Variants in MRPS28 observed in about 807,000 individuals in gnomAD.
The protein encoded by MRPS28 is mitochondrial ribosomal protein S28.
In MRPS28, 7 loss-of-function variants were observed where a neutral mutation model predicts 10.8. That is an observed-to-expected ratio of 0.65 (90% CI 0.37 to 1.22). MRPS28 has a LOEUF of 1.22. Among genes scored for constraint, MRPS28 ranks in the 50% most tolerant of loss-of-function variants. The pLI is 0.02. For missense variants in MRPS28, 265 were observed against 232.9 expected (o/e 1.14, Z -0.90); for synonymous variants, 121 against 93.3 (o/e 1.30, Z -1.71).
intron 1 of MRPS28, among the ~76,000 whole-genome samples, chr8:80,009,609 T>C (rs1327348538): frequency 1.3e-5 from 2 of 150,626 alleles, no homozygotes; most frequent in Non-Finnish European, 3.0e-5. Flanking sequence ...AGAGCCAAAC[T>C]GTCTCAAAAA....
chr8:80,007,971 C>A (rs1182703740), intron 1 of MRPS28, among the ~76,000 whole-genome samples: 1 of 152,188 alleles, frequency 6.6e-6, no homozygotes, highest in Non-Finnish European at 1.5e-5. Context: ...CCAAGTCAAT[C>A]CTAAGCCAAA....
intron 2 of MRPS28, among the ~76,000 whole-genome samples, chr8:79,959,878 T>C (rs536402540): frequency 1.1e-4 from 17 of 152,278 alleles, no homozygotes; most frequent in Middle Eastern, 6.8e-3. Flanking sequence ...ATTAATTTTA[T>C]CAAGAAAGCA....
At chr8:79,944,636 T>A (rs145072976) in intron 2 of MRPS28, among the ~76,000 whole-genome samples, 1 of 152,006 alleles carries the variant, frequency 6.6e-6, no homozygotes, top group South Asian at 2.1e-4. Context: ...GTGGTAGTAG[T>A]AAGATATGCA....
At chr8:79,920,826 C>A (rs1810073856) in intron 2 of MRPS28, among the ~76,000 whole-genome samples, 1 of 152,112 alleles carries the variant, frequency 6.6e-6, no homozygotes, top group Non-Finnish European at 1.5e-5. Flanking sequence ...GCTTTTGTTG[C>A]CATTGCTTTT....
chr8:80,008,802 T>C (rs1323761640), intron 1 of MRPS28, among the ~76,000 whole-genome samples: 12 of 152,088 alleles, frequency 7.9e-5, no homozygotes, highest in African/African-American at 2.2e-4. Flanking sequence ...TGTGGAGAAA[T>C]AGGAACACTT....
intron 2 of MRPS28, among the ~76,000 whole-genome samples, chr8:79,962,905 G>C (rs1423642617): frequency 6.6e-6 from 1 of 152,074 alleles, no homozygotes; most frequent in Non-Finnish European, 1.5e-5. Flanking sequence ...AGGAAGGATA[G>C]GCCTTATTAA....
At chr8:79,990,511 C>A (rs2130118761) in intron 2 of MRPS28, among the ~76,000 whole-genome samples, 1 of 152,198 alleles carries the variant, frequency 6.6e-6, no homozygotes, top group East Asian at 1.9e-4. Flanking sequence ...AACTTTTCAC[C>A]CTGAAATTCA....
At chr8:79,984,854 T>G (rs929150660) in intron 2 of MRPS28, among the ~76,000 whole-genome samples, 3 of 152,074 alleles carry the variant, frequency 2.0e-5, no homozygotes, top group African/African-American at 4.8e-5. Flanking sequence ...CAGTCAACAT[T>G]AGACAGATCA....
At chr8:79,979,480 G>A (rs1447544262) in intron 2 of MRPS28, among the ~76,000 whole-genome samples, 5 of 151,768 alleles carry the variant, frequency 3.3e-5, no homozygotes, top group African/African-American at 1.2e-4. Flanking sequence ...CCTGGTAAAA[G>A]GGACAAAAAA....
At chr8:79,977,485 TAA>T (rs992068361) in intron 2 of MRPS28, among the ~76,000 whole-genome samples, 6 of 152,190 alleles carry the variant, frequency 3.9e-5, no homozygotes, top group Middle Eastern at 3.2e-3. Flanking sequence ...CAGAATTAAT[TAA>T]GTTTCCTTTG....
chr8:79,977,855 T>C (rs1807845835), intron 2 of MRPS28, among the ~76,000 whole-genome samples: 3 of 151,818 alleles, frequency 2.0e-5, no homozygotes, highest in South Asian at 4.2e-4. Context: ...AAGATATATG[T>C]ATAGGAAGAA....
At position 79,970,054 on chromosome 8, in the gene MRPS28, C is replaced by T. The variant is rs184297372; in HGVS notation, c.395+32945G>A. Reference sequence around the variant, plus strand: ...GTGATGCCATTCCTACAGTACTTATCATGTGAACAACATCGATATTCCAAC... The same window carrying T: ...GTGATGCCATTCCTACAGTACTTATTATGTGAACAACATCGATATTCCAAC... On this transcript the variant is annotated intron_variant, in intron 2 of 2. Transcript: ENST00000276585. Among the ~76,000 whole-genome samples, 3 of 152,304 alleles carry T rather than the reference C, an allele frequency of 2.0e-5. No individual in the cohort carries two copies. The East Asian group carries it at 5.8e-4, about 29-fold the overall frequency.
At chr8:80,014,318 A>G (rs1809139089) in intron 1 of MRPS28, among the ~76,000 whole-genome samples, 1 of 152,230 alleles carries the variant, frequency 6.6e-6, no homozygotes, top group Non-Finnish European at 1.5e-5. Context: ...TCTTCCCTTA[A>G]AAAAATCAAA....
At chr8:79,986,848 G>A (rs1015122857) in intron 2 of MRPS28, among the ~76,000 whole-genome samples, 9 of 152,136 alleles carry the variant, frequency 5.9e-5, no homozygotes, top group African/African-American at 2.2e-4. Context: ...TGGCCATACT[G>A]CCCAAGGTAA....
intron 2 of MRPS28, among the ~76,000 whole-genome samples, chr8:79,979,013 A>G (rs949076424): frequency 6.6e-6 from 1 of 152,176 alleles, no homozygotes; most frequent in African/African-American, 2.4e-5. Context: ...GTTGTTTTGT[A>G]TCTTTAGTTG....
chr8:79,999,652 T>C (rs190216335), intron 2 of MRPS28, among the ~76,000 whole-genome samples: 20 of 152,310 alleles, frequency 1.3e-4, no homozygotes, highest in Admixed American at 1.0e-3. Flanking sequence ...CAAAAAACAA[T>C]GTATGTCGAT....
At chr8:79,965,901 T>C (rs1807491856) in intron 2 of MRPS28, among the ~76,000 whole-genome samples, 1 of 152,018 alleles carries the variant, frequency 6.6e-6, no homozygotes, top group Admixed American at 6.6e-5. Flanking sequence ...TTAAGTAAAA[T>C]TTTGTACTTC....
At chr8:80,013,233 A>G (rs1450269830) in intron 1 of MRPS28, among the ~76,000 whole-genome samples, 1 of 152,222 alleles carries the variant, frequency 6.6e-6, no homozygotes, top group Non-Finnish European at 1.5e-5. Flanking sequence ...TTCCAATTCT[A>G]TAAGGTAGTA....
chr8:79,986,196 T>C (rs1348231124), intron 2 of MRPS28, among the ~76,000 whole-genome samples: 1 of 152,248 alleles, frequency 6.6e-6, no homozygotes, highest in Non-Finnish European at 1.5e-5. Flanking sequence ...TCTCAATAGA[T>C]GCAGAAAAGG....
Sources: gnomAD v4.1 joint callset for allele counts (sites outside exome capture counted in the v4.1 genomes callset) on GRCh38, gnomAD v4.1.1 for gene constraint, MANE v1.5 for transcripts, NCBI Gene and HGNC (gene_info 2026-07-23, HGNC 2026-07-21) for gene names.